The following SCN11A variants were observed in gnomAD, a reference collection of about 807,000 sequenced individuals.
SCN11A encodes the protein sodium channel protein type 11 subunit alpha.
SCN11A carries 122 observed loss-of-function variants against 162.2 expected under a neutral mutation model. The observed-to-expected ratio is 0.75, with a 90% confidence interval of 0.65 to 0.87. The LOEUF (loss-of-function observed/expected upper bound fraction) is 0.87. Ranked by LOEUF, SCN11A falls within the 40% of genes least tolerant of loss-of-function variation. The pLI is 0.00. For missense variants in SCN11A, 2,015 were observed against 2,181.6 expected (o/e 0.92, Z 1.52); for synonymous variants, 758 against 751.5 (o/e 1.01, Z -0.14).
At chr3:39,037,222 C>G (rs1176577029) in intron 1 of SCN11A, among the ~76,000 whole-genome samples, 18 of 152,006 alleles carry the variant, frequency 1.2e-4, no homozygotes, top group Non-Finnish European at 2.4e-4. Flanking sequence ...ATAAGCCAGG[C>G]ATAGAAAAAC....
intron 2 of SCN11A, among the ~76,000 whole-genome samples, chr3:38,970,758 G>A (rs911229984): frequency 1.3e-5 from 2 of 152,180 alleles, no homozygotes; most frequent in Admixed American, 1.3e-4. Context: ...CCCGCATGAT[G>A]TTGCCTTCTG....
chr3:39,031,247 C>T (rs1410767774), intron 2 of SCN11A, among the ~76,000 whole-genome samples: 1 of 152,154 alleles, frequency 6.6e-6, no homozygotes, highest in Admixed American at 6.5e-5. Flanking sequence ...CTTGGCCAGG[C>T]ACGGTGGCTC....
intron 2 of SCN11A, among the ~76,000 whole-genome samples, chr3:38,980,547 T>C (rs1009318356): frequency 3.3e-5 from 5 of 152,160 alleles, no homozygotes; most frequent in Admixed American, 1.3e-4. Flanking sequence ...GATACAGAGA[T>C]GGTAAACTAA....
chr3:38,920,976 T>C (rs1169356833), intron 10 of SCN11A, 100 bp downstream of exon 10: 1 of 1,114,140 alleles, frequency 9.0e-7, no homozygotes, highest in Non-Finnish European at 1.3e-6. Context: ...CCCTTGCTGC[T>C]AAGAGACTCT....
rs779024424 is a variant in SCN11A at position 38,847,416 on chromosome 3, C to T, written c.4654G>A (p.Gly1552Ser). ...ATGGGGCTGAGCAGGGAATCCCAACCTGCTGATGTGCTTATCTGGAAGAGA... is the reference window on the plus strand; with the variant it reads ...ATGGGGCTGAGCAGGGAATCCCAACTTGCTGATGTGCTTATCTGGAAGAGA... ...LCLFQISTSA[G>S]WDSLLSPMLR... is the part of the protein sequence containing the mutation. The change falls in exon 30 of 30, where the codon GGT (glycine) becomes AGT (serine). Residue 1552 changes from glycine (G) to serine (S), a missense_variant. Physicochemically the swap from Gly to Ser is moderately conservative, Grantham distance 56. Transcript: ENST00000302328. The T allele has an allele frequency of 1.2e-6, 2 of 1,614,066 alleles. No individual in the cohort carries two copies. The highest frequency in any genetic ancestry group is 1.7e-6 in the Non-Finnish European group (2 of 1,180,032).
chr3:38,989,591 G>T (rs961681710), intron 2 of SCN11A, among the ~76,000 whole-genome samples: 7 of 152,198 alleles, frequency 4.6e-5, no homozygotes, highest in African/African-American at 7.2e-5. Context: ...AAAGAGCAGG[G>T]ATTCCTCTTC....
chr3:38,936,760 T>C (rs2066339187), intron 7 of SCN11A, among the ~76,000 whole-genome samples: 1 of 152,194 alleles, frequency 6.6e-6, no homozygotes, highest in East Asian at 1.9e-4. Flanking sequence ...TGCTCATGGA[T>C]AGGAAGAATC....
Position 38,896,887 on chromosome 3 carries a change from A to C in SCN11A, c.2361T>G (p.Cys787Trp). The C allele has an allele frequency of 1.9e-6, 3 of 1,612,102 alleles. No homozygotes were observed. Among genetic ancestry groups the C allele is most frequent in the Non-Finnish European group, 2.5e-6 (3 of 1,178,832 alleles). Residue 787 changes from cysteine to tryptophan, a missense_variant, in exon 18 of 30, where the codon TGT becomes TGG. Coordinates refer to ENST00000302328, the MANE Select transcript of SCN11A (RefSeq NM_001349253.2). The stretch of plus-strand genomic sequence containing the variant: ...CCGTGATCAATATGAAGACAATAAC[A>C]CACAATGATGATGATGCATTCGCTT... Reference protein sequence around the residue: ...MQEANASSSLCVIVFILITVI... With the variant: ...MQEANASSSLWVIVFILITVI...
intron 13 of SCN11A, among the ~76,000 whole-genome samples, chr3:38,908,350 C>A (rs1241757376): frequency 1.3e-5 from 2 of 152,322 alleles, no homozygotes; most frequent in East Asian, 1.9e-4. Flanking sequence ...TCTTTCATAT[C>A]TCTGTGTCAC....
chr3:38,907,347 TATCTATATATACACACAC>T (rs1397866086), intron 14 of SCN11A, among the ~76,000 whole-genome samples: 3 of 50,108 alleles, frequency 6.0e-5, no homozygotes, highest in African/African-American at 1.4e-4. Flanking sequence ...TGTGTGTATA[TATCTATATATACACACAC>T]ACACACACAC....
chr3:39,011,568 A>G lies in SCN11A; in HGVS notation c.-280+20812T>C, dbSNP rs559869683. Among the ~76,000 whole-genome samples the G allele has an allele frequency of 2.0e-5, 3 of 152,360 alleles. No individual in the cohort carries two copies. In the South Asian group the frequency reaches 6.2e-4, roughly 32 times the overall value. On this transcript the variant is annotated intron_variant, in intron 2 of 29. Transcript: ENST00000302328. ...TGAAAAAACAACTCTGAAAAAGGAC[A>G]TATGATAAGATATTATCTTTAGTTT...
At chr3:38,866,200 G>T (rs1463322267) in intron 27 of SCN11A, among the ~76,000 whole-genome samples, 4 of 150,434 alleles carry the variant, frequency 2.7e-5, no homozygotes, top group Admixed American at 6.6e-5. Context: ...TCAGCCCTGA[G>T]AATTCCTTTT....
rs199960196 is a variant in SCN11A, at chr3:39,008,886, AAC to A, written c.-280+23492_-280+23493del. Among the ~76,000 whole-genome samples the A allele has an allele frequency of 6.3e-3, 903 of 143,956 alleles. 14 individuals carry two copies. The highest frequency in any genetic ancestry group is 0.022 in the African/African-American group (812 of 36,100). The allele number at this position is 143,956 out of a possible 152,430, so 94.4% of individuals were successfully genotyped here. A position where few individuals can be genotyped will look rare whatever the true frequency, so the allele number is the denominator to read the frequency against. The stretch of plus-strand genomic sequence containing the variant: ...AACAGAGCAAGACTCCATCTCAAAA[AAC>A]AAAAAAAAAAGTATGTATATATATT... On this transcript the variant is annotated intron_variant, in intron 2 of 29. Coordinates refer to ENST00000302328, the MANE Select transcript of SCN11A (RefSeq NM_001349253.2).
At position 38,945,720 on chromosome 3, in the gene SCN11A, C is replaced by A. The variant is rs146423084; in HGVS notation, c.387-208G>T. 4.7e-3 allele frequency among the ~76,000 whole-genome samples: 719 copies of A among 152,324 alleles called. 2 individuals are homozygous for A. The highest frequency in any genetic ancestry group is 6.8e-3 in the Middle Eastern group (2 of 294). ...GGCAGCCTCCTCACTTGGAGAGCTA[C>A]ACACCCCCTTCTACATGTCTGACTG... On this transcript the variant is annotated intron_variant, in intron 6 of 29. Transcript: ENST00000302328.
rs1010516475 is a variant in SCN11A at position 38,846,014 on chromosome 3, A to G, written c.*680T>C. The G allele has an allele frequency of 2.6e-5, 4 of 152,260 alleles. No individual in the cohort carries two copies. Among genetic ancestry groups the G allele is most frequent in the African/African-American group, 9.6e-5 (4 of 41,476 alleles). The allele number at this position is 152,260 out of a possible 1,614,324, so 9.4% of individuals were successfully genotyped here. A position where few individuals can be genotyped will look rare whatever the true frequency, so the allele number is the denominator to read the frequency against. On this transcript the variant is annotated 3_prime_UTR_variant, in exon 30 of 30. Coordinates refer to ENST00000302328, the MANE Select transcript of SCN11A (RefSeq NM_001349253.2). ...CATACTTGCATCAGGAAAATATCAAACAAAAATGATGTATCTAGAAACATA... is the reference window on the plus strand; with the variant it reads ...CATACTTGCATCAGGAAAATATCAAGCAAAAATGATGTATCTAGAAACATA...
In SCN11A at chr3:38,896,767, G is replaced by A. The variant is rs982764005; in HGVS notation, c.2403+78C>T. ...TAGAATAATAATTTTTACTAGTAAA[G>A]TTTTGCAAATGAAGTAATGCATTTG... On this transcript the variant is annotated intron_variant, in intron 18 of 29. Coordinates refer to ENST00000302328, the MANE Select transcript of SCN11A (RefSeq NM_001349253.2). The A allele has an allele frequency of 1.5e-5, 17 of 1,167,158 alleles. No homozygotes were observed. In the African/African-American group the frequency reaches 2.6e-4, roughly 18 times the overall value. 72.3% of individuals were successfully genotyped at this position (1,167,158 alleles called of 1,614,324 possible).
In SCN11A at chr3:38,846,465, CT is replaced by C; in HGVS notation, c.*228del. On this transcript the variant is annotated 3_prime_UTR_variant, in exon 30 of 30. Coordinates refer to ENST00000302328, the MANE Select transcript of SCN11A (RefSeq NM_001349253.2). Reference sequence around the variant, plus strand: ...GTCCTTTTACAGTCCTTCCTGGTGTCTTCTTCCTTATTATAATAGTACCACT... The same window carrying C: ...GTCCTTTTACAGTCCTTCCTGGTGTCTCTTCCTTATTATAATAGTACCACT... 1.9e-6 allele frequency: 1 copy of C among 536,490 alleles called. No individual in the cohort carries two copies. The highest frequency in any genetic ancestry group is 1.9e-5 in the African/African-American group (1 of 53,016). The allele number at this position is 536,490 out of a possible 1,614,324, so 33.2% of individuals were successfully genotyped here.
chr3:39,042,970 A>AG (rs1559584022), intron 1 of SCN11A, among the ~76,000 whole-genome samples: 3 of 136,756 alleles, frequency 2.2e-5, no homozygotes, highest in Non-Finnish European at 3.3e-5. Flanking sequence ...AAAAAAAAAA[A>AG]AAAAAAAAAG....
Position 38,950,077 on chromosome 3 carries a change from C to CA in SCN11A, c.267+18_267+19insT, listed in dbSNP as rs778823288. 1.4e-4 allele frequency: 20 copies of CA among 145,834 alleles called. 1 individual carries two copies. The East Asian group carries it at 3.4e-3, about 25-fold the overall frequency. The allele number at this position is 145,834 out of a possible 1,614,324, so 9.0% of individuals were successfully genotyped here. On this transcript the variant is annotated intron_variant, in intron 5 of 29. Transcript: ENST00000302328. ...AGAACACCCCCACCCCCACCCCCCC[C>CA]CCCCGCCCAATGAAGTACCTTATGA...
Sources: gnomAD v4.1 joint callset for allele counts (sites outside exome capture counted in the v4.1 genomes callset) on GRCh38, gnomAD v4.1.1 for gene constraint, MANE v1.5 for transcripts, NCBI Gene and HGNC (gene_info 2026-07-23, HGNC 2026-07-21) for gene names.